The following SLC1A3 variants were observed in gnomAD, a reference collection of about 807,000 sequenced individuals.
The protein encoded by SLC1A3 is solute carrier family 1 member 3.
SLC1A3 carries 21 observed loss-of-function variants against 48.1 expected under a neutral mutation model. The observed-to-expected ratio is 0.44, with a 90% CI of 0.31 to 0.63. The LOEUF is 0.63. Ranked by LOEUF, SLC1A3 falls within the 20% of genes least tolerant of loss-of-function variation. SLC1A3 has a pLI of 0.08. For synonymous variants in SLC1A3, 239 were observed against 251.4 expected (o/e 0.95, Z 0.47); for missense variants, 546 against 689.0 (o/e 0.79, Z 2.32).
intron 4 of SLC1A3, among the ~76,000 whole-genome samples, 172 bp from the exon 5 acceptor site, chr5:36,673,877 C>A (rs1047126269): frequency 1.3e-5 from 2 of 152,142 alleles, no homozygotes; most frequent in African/African-American, 4.8e-5. Flanking sequence ...ACATGGGCCA[C>A]ACTTAGGGAG....
intron 8 of SLC1A3, among the ~76,000 whole-genome samples, chr5:36,683,197 G>A (rs1742506465): frequency 1.3e-5 from 2 of 152,160 alleles, no homozygotes; most frequent in Admixed American, 6.5e-5. Context: ...TAACTCTACA[G>A]CATTTTAGAC....
In SLC1A3 at chr5:36,687,550, G is replaced by A. The variant is rs1385483950; in HGVS notation, c.*1281G>A. On this transcript the variant is annotated 3_prime_UTR_variant, in exon 10 of 10. Transcript: ENST00000265113. ...CAAATGAATGAGCTCTCTAATAGAA[G>A]TCCATGAGTTGAGTGGGTATTTCTT... 3 of 152,104 alleles carry A rather than the reference G, an allele frequency of 2.0e-5. No individual in the cohort carries two copies. The highest frequency in any genetic ancestry group is 7.2e-5 in the African/African-American group (3 of 41,398). 9.4% of individuals were successfully genotyped at this position (152,104 alleles called of 1,614,324 possible). A position where few individuals can be genotyped will look rare whatever the true frequency, so the allele number is the denominator to read the frequency against.
chr5:36,648,632 T>G (rs1194018926), intron 3 of SLC1A3, among the ~76,000 whole-genome samples: 1 of 152,200 alleles, frequency 6.6e-6, no homozygotes, highest in African/African-American at 2.4e-5. Context: ...TGATAACAAC[T>G]TCTCACGTGT....
In SLC1A3 at chr5:36,612,772, A is replaced by G. The variant is rs1336756775; in HGVS notation, c.181+4168A>G. 1.5e-5 allele frequency: 7 copies of G among 456,056 alleles called. No homozygotes were observed. The Admixed American group carries it at 1.6e-4, about 11-fold the overall frequency. The allele number at this position is 456,056 out of a possible 1,614,324, so 28.3% of individuals were successfully genotyped here. ...TGAAAAAACTGAAGCCCAAATCCTT[A>G]CCACACAGCTGATGAATACTGAGTG... On this transcript the variant is annotated intron_variant, in intron 2 of 9. Coordinates refer to ENST00000265113, the MANE Select transcript of SLC1A3 (RefSeq NM_004172.5).
intron 3 of SLC1A3, among the ~76,000 whole-genome samples, chr5:36,654,560 C>A (rs1186283798): frequency 1.3e-5 from 2 of 152,194 alleles, no homozygotes; most frequent in African/African-American, 4.8e-5. Context: ...TGCCGATACA[C>A]TTCTCAAGAG....
At chr5:36,636,505 T>TTCTTTCTTTCTTTCTTTCTTTCTTTCTC in intron 3 of SLC1A3, 1 of 70,200 alleles carries the variant, frequency 1.4e-5, no homozygotes, top group East Asian at 3.7e-4. Context: ...CTTTCTTTCT[T>TTCTTTCTTTCTTTCTTTCTTTCTTTCTC]TTTCTTTCTT....
intron 8 of SLC1A3, among the ~76,000 whole-genome samples, chr5:36,682,271 T>C (rs927983551): frequency 1.3e-5 from 2 of 152,212 alleles, no homozygotes; most frequent in Non-Finnish European, 2.9e-5. Flanking sequence ...CATTTGTTGT[T>C]ATGTTTATTT....
rs146939026 is a variant in SLC1A3 at position 36,608,502 on chromosome 5, C to T, written c.79C>T (p.Leu27Phe). The change falls in exon 2 of 10, where the codon CTT (leucine) becomes TTT (phenylalanine). Residue 27 changes from leucine (L) to phenylalanine (F), a missense_variant. Leu to Phe is a conservative substitution (Grantham distance 22). Transcript: ENST00000265113. ...CCAGCAGGGAGTCCGTAAACGCACA[C>T]TTTTGGCCAAGAAGAAAGTGCAGAA... ...RFQQGVRKRT[L>F]LAKKKVQNIT... The T allele has an allele frequency of 5.1e-5, 82 of 1,613,902 alleles. No individual in the cohort carries two copies. Among genetic ancestry groups the T allele is most frequent in the Non-Finnish European group, 6.0e-5 (71 of 1,179,924 alleles).
At chr5:36,642,969 A>G (rs1293106271) in intron 3 of SLC1A3, among the ~76,000 whole-genome samples, 1 of 152,224 alleles carries the variant, frequency 6.6e-6, no homozygotes, top group Non-Finnish European at 1.5e-5. Context: ...ATGTCCATAT[A>G]ATGGAATACT....
At chr5:36,660,254 T>C (rs1440683308) in intron 3 of SLC1A3, among the ~76,000 whole-genome samples, 4 of 152,140 alleles carry the variant, frequency 2.6e-5, no homozygotes, top group Non-Finnish European at 2.9e-5. Flanking sequence ...TACTTCCACA[T>C]CCTTTCTCTA....
upstream of SLC1A3, among the ~76,000 whole-genome samples, chr5:36,605,559 C>T (rs1738899418): frequency 6.6e-6 from 1 of 152,024 alleles, no homozygotes; most frequent in Admixed American, 6.5e-5. Flanking sequence ...GAATAATAGA[C>T]CAAGAATTGA....
intron 1 of SLC1A3, among the ~76,000 whole-genome samples, chr5:36,601,413 A>G (rs901949128): frequency 3.9e-5 from 6 of 152,226 alleles, no homozygotes; most frequent in Admixed American, 3.9e-4. Flanking sequence ...CATGATTTAG[A>G]ATCAGGAAAG....
chr5:36,643,160 C>T (rs1740688041), intron 3 of SLC1A3, among the ~76,000 whole-genome samples: 1 of 152,048 alleles, frequency 6.6e-6, no homozygotes. Flanking sequence ...TTTCATTTCT[C>T]TTGTGTATTT....
intron 3 of SLC1A3, among the ~76,000 whole-genome samples, chr5:36,654,993 C>T (rs932607922): frequency 1.3e-5 from 2 of 152,192 alleles, no homozygotes; most frequent in African/African-American, 4.8e-5. Flanking sequence ...CCAGTTGCAG[C>T]ATTGACTAGC....
chr5:36,673,535 C>T (rs1742080154), intron 4 of SLC1A3, among the ~76,000 whole-genome samples: 2 of 152,150 alleles, frequency 1.3e-5, no homozygotes, highest in Non-Finnish European at 2.9e-5. Context: ...CATTGGCTAC[C>T]AAAGAGTTGC....
chr5:36,687,427 T>C lies in SLC1A3; in HGVS notation c.*1158T>C, dbSNP rs1742697391. 6.6e-6 allele frequency: 1 copy of C among 152,164 alleles called. No homozygotes were observed. Among genetic ancestry groups the C allele is most frequent in the Admixed American group, 6.5e-5 (1 of 15,268 alleles). 9.4% of individuals were successfully genotyped at this position (152,164 alleles called of 1,614,324 possible). The stretch of plus-strand genomic sequence containing the variant: ...AAGAAGAGGTTCATTTTTCTGGCTT[T>C]TTTTTTCACCTGAAACACTTTTTCT... On this transcript the variant is annotated 3_prime_UTR_variant, in exon 10 of 10. Transcript: ENST00000265113.
Position 36,608,600 on chromosome 5 carries a change from T to C in SLC1A3, c.177T>C (p.Ile59=), listed in dbSNP as rs756440270. 6.2e-7 allele frequency: 1 copy of C among 1,611,220 alleles called. No individual in the cohort carries two copies. Among genetic ancestry groups the C allele is most frequent in the South Asian group, 1.1e-5 (1 of 90,892 alleles). Residue 59 remains isoleucine, a synonymous_variant, in exon 2 of 10, where the codon ATT becomes ATC. Transcript: ENST00000265113. ...TGCTGCTCACAGTCACCGCTGTCAT[T>C]GTGGGTGAGTCATTTGATTAAAAAC... The part of the protein sequence containing the change: ...AFVLLTVTAV[I]VGTILGFTLR...
intron 3 of SLC1A3, among the ~76,000 whole-genome samples, chr5:36,635,737 T>C (rs1369939264): frequency 6.6e-6 from 1 of 152,150 alleles, no homozygotes; most frequent in African/African-American, 2.4e-5. Flanking sequence ...ACTGCACCCA[T>C]GTTGTGAGCG....
chr5:36,599,461 C>T (rs1165870105), intron 1 of SLC1A3, among the ~76,000 whole-genome samples: 1 of 149,754 alleles, frequency 6.7e-6, no homozygotes, highest in Non-Finnish European at 1.5e-5. Flanking sequence ...TAGGAATAGG[C>T]CTAAGACCTG....
Sources: gnomAD v4.1 joint callset for allele counts (sites outside exome capture counted in the v4.1 genomes callset) on GRCh38, gnomAD v4.1.1 for gene constraint, MANE v1.5 for transcripts, NCBI Gene and HGNC (gene_info 2026-07-23, HGNC 2026-07-21) for gene names.